AMPD3: variants seen among roughly 807,000 people sequenced by gnomAD.
The protein encoded by AMPD3 is adenosine monophosphate deaminase 3, also known as AMP deaminase 3.
AMPD3 carries 57 observed loss-of-function variants against 82.3 expected under a neutral mutation model. The observed-to-expected ratio is 0.69, with a 90% CI of 0.56 to 0.86. AMPD3 has a LOEUF of 0.86. Ranked by LOEUF, AMPD3 falls within the 40% of genes least tolerant of loss-of-function variation. The pLI is 0.00. For missense variants in AMPD3, 870 were observed against 1,003.8 expected (o/e 0.87, Z 1.80); for synonymous variants, 381 against 394.7 (o/e 0.97, Z 0.41).
intron 2 of AMPD3, among the ~76,000 whole-genome samples, chr11:10,469,617 T>C (rs1318745039): frequency 6.6e-6 from 1 of 151,826 alleles, no homozygotes; most frequent in African/African-American, 2.4e-5. Flanking sequence ...AACAATAGTT[T>C]GGAGCTGGTA....
At chr11:10,496,772 G>A (rs779751398) in intron 9 of AMPD3, 40 bp from the exon 10 acceptor site, 2 of 1,614,050 alleles carry the variant, frequency 1.2e-6, no homozygotes, top group South Asian at 1.1e-5. Flanking sequence ...GCAGCAGGCT[G>A]TTGGATCCAC....
In AMPD3 at chr11:10,506,157, A is replaced by G; in HGVS notation, c.*273A>G. 1 of 467,326 alleles carries G rather than the reference A, an allele frequency of 2.1e-6. No homozygotes were observed. Among genetic ancestry groups the G allele is most frequent in the Non-Finnish European group, 3.9e-6 (1 of 254,194 alleles). The allele number at this position is 467,326 out of a possible 1,614,324, so 28.9% of individuals were successfully genotyped here. On this transcript the variant is annotated 3_prime_UTR_variant, in exon 15 of 15. Coordinates refer to ENST00000396553, the MANE Select transcript of AMPD3 (RefSeq NM_001025389.2). This position sits in a 1 kb window ranked among gnomAD's most constrained non-coding sequence, Gnocchi z 4.1. Reference sequence around the variant, plus strand: ...CCTAATTTTCCAAGTATTTCTCTTGAAACTGCCAGTGCCTGAACTGTTGGG... The same window carrying G: ...CCTAATTTTCCAAGTATTTCTCTTGGAACTGCCAGTGCCTGAACTGTTGGG...
chr11:10,484,830 T>C lies in AMPD3; in HGVS notation c.600T>C (p.Pro200=). ...AATCCTGTTTTGCAGACTTCCACCC[T>C]CCTCCACTGCCCCAGGAAGACCCCT... ...PPEEGLPDFH[P]PPLPQEDPYC... Residue 200 remains proline, a synonymous_variant, in exon 5 of 15, where the codon CCT becomes CCC. Transcript: ENST00000396553. The C allele has an allele frequency of 6.2e-7, 1 of 1,613,938 alleles. No homozygotes were observed. Among genetic ancestry groups the C allele is most frequent in the Non-Finnish European group, 8.5e-7 (1 of 1,179,998 alleles).
chr11:10,453,340 A>G (rs1848007412), upstream of AMPD3, among the ~76,000 whole-genome samples: 1 of 152,224 alleles, frequency 6.6e-6, no homozygotes, highest in Non-Finnish European at 1.5e-5. Flanking sequence ...TCACTTGTTC[A>G]TTGTTTTATG....
chr11:10,488,200 G>A (rs1849135218), intron 6 of AMPD3: 1 of 985,358 alleles, frequency 1.0e-6, no homozygotes, highest in African/African-American at 1.7e-5. Context: ...TAGGAGCGAA[G>A]GTTAAATGAT....
chr11:10,487,098 A>C (rs1428604680), intron 5 of AMPD3, 137 bp from the exon 6 acceptor site: 1 of 1,563,530 alleles, frequency 6.4e-7, no homozygotes, highest in East Asian at 2.3e-5. Context: ...GGTCTGTAGA[A>C]AGCCAGAACC....
intron 6 of AMPD3, among the ~76,000 whole-genome samples, chr11:10,490,762 G>C (rs565903836): frequency 2.2e-4 from 34 of 152,308 alleles, no homozygotes; most frequent in African/African-American, 7.9e-4. Flanking sequence ...CCCAGAATCC[G>C]CTGAGTCATG....
intron 13 of AMPD3, among the ~76,000 whole-genome samples, chr11:10,503,594 G>A (rs942506599): frequency 4.6e-5 from 7 of 152,154 alleles, no homozygotes; most frequent in African/African-American, 1.7e-4. Flanking sequence ...TATTTACCAT[G>A]TTAGAAATGA....
chr11:10,464,052 C>T (rs1564839841), intron 2 of AMPD3, among the ~76,000 whole-genome samples: 1 of 152,176 alleles, frequency 6.6e-6, no homozygotes, highest in East Asian at 1.9e-4. Flanking sequence ...GCCTCAGCCT[C>T]GTCCTCATCT....
intron 3 of AMPD3, chr11:10,481,584 C>A: frequency 2.5e-6 from 2 of 790,256 alleles, no homozygotes; most frequent in Non-Finnish European, 3.1e-6. Context: ...CAGCATATAG[C>A]TGTACTTACA....
Position 10,485,003 on chromosome 11 carries a change from T to A in AMPD3, c.773T>A (p.Met258Lys), listed in dbSNP as rs1290853678. Residue 258 changes from methionine to lysine, a missense_variant, in exon 5 of 15, where the codon ATG (methionine) becomes AAG (lysine). Coordinates refer to ENST00000396553, the MANE Select transcript of AMPD3 (RefSeq NM_001025389.2). Reference sequence around the variant, plus strand: ...GACCTGGAGACCTACACGGTGGACATGAGCCACATCCTGGCTCTCATCACC... The same window carrying A: ...GACCTGGAGACCTACACGGTGGACAAGAGCCACATCCTGGCTCTCATCACC... ...YPDLETYTVD[M>K]SHILALITDG... The A allele has an allele frequency of 6.8e-6, 11 of 1,613,982 alleles. No individual in the cohort carries two copies. The highest frequency in any genetic ancestry group is 8.5e-6 in the Non-Finnish European group (10 of 1,179,990).
At chr11:10,450,447 ACCTGTGCGGGGCCGAGACC>A (rs1259648369), upstream of AMPD3, 2 of 985,610 alleles carry the variant, frequency 2.0e-6, no homozygotes, top group African/African-American at 3.5e-5. Context: ...GGAGCAAGTC[ACCTGTGCGGGGCCGAGACC>A]CCCAGAGTCT....
chr11:10,493,207 G>A (rs1454687487), intron 6 of AMPD3, 142 bp from the exon 7 acceptor site: 22 of 929,604 alleles, frequency 2.4e-5, no homozygotes, highest in Non-Finnish European at 3.7e-5. Flanking sequence ...GGAGAAATGG[G>A]GGGTGGGATC....
intron 12 of AMPD3, chr11:10,501,988 T>C (rs1471645096): frequency 1.6e-5 from 16 of 985,080 alleles, no homozygotes; most frequent in Non-Finnish European, 1.9e-5. Context: ...TCTATGCTCC[T>C]TTTTCCAAAG....
intron 9 of AMPD3, 168 bp from the exon 10 acceptor site, chr11:10,496,644 T>G (rs1029753143): frequency 1.4e-5 from 21 of 1,449,588 alleles, no homozygotes; most frequent in Non-Finnish European, 1.8e-5. Context: ...ATTGCAGACA[T>G]TGCTGGGAGA....
chr11:10,506,044 T>C lies in AMPD3; in HGVS notation c.*160T>C. On this transcript the variant is annotated 3_prime_UTR_variant, in exon 15 of 15. Transcript: ENST00000396553. The surrounding 1 kb of genome is among the most constrained non-coding windows in gnomAD (Gnocchi z 4.1). ...TGGTTGCACTGCTCACTTTAAGAGT[T>C]AACATGCTCACTTGTTAGTATTTCT... is the stretch of plus-strand genomic sequence containing the variant. 1 of 752,970 alleles carries C rather than the reference T, an allele frequency of 1.3e-6. No homozygotes were observed. The highest frequency in any genetic ancestry group is 2.1e-5 in the Admixed American group (1 of 48,420). 46.6% of individuals were successfully genotyped at this position (752,970 alleles called of 1,614,324 possible).
rs1033664969 is a variant in AMPD3, at chr11:10,500,352, G to A, written c.1721+103G>A. Reference sequence around the variant, plus strand: ...ATGCATGTGATCCTTGTGTCCGTGTGCACCTGAACCAACATGCATGTCCAT... The same window carrying A: ...ATGCATGTGATCCTTGTGTCCGTGTACACCTGAACCAACATGCATGTCCAT... On this transcript the variant is annotated intron_variant, in intron 11 of 14. Coordinates refer to ENST00000396553, the MANE Select transcript of AMPD3 (RefSeq NM_001025389.2). The A allele has an allele frequency of 5.6e-5, 82 of 1,459,166 alleles. No individual in the cohort carries two copies. The Admixed American group carries it at 1.4e-3, about 24-fold the overall frequency. 90.4% of individuals were successfully genotyped at this position (1,459,166 alleles called of 1,614,324 possible).
At chr11:10,474,696 C>T (rs1848688080) in intron 2 of AMPD3, among the ~76,000 whole-genome samples, 1 of 152,238 alleles carries the variant, frequency 6.6e-6, no homozygotes, top group Non-Finnish European at 1.5e-5. Flanking sequence ...AAATCTATTT[C>T]AGGGATGACA....
chr11:10,453,105 A>G (rs1179358762), upstream of AMPD3, among the ~76,000 whole-genome samples: 4 of 152,226 alleles, frequency 2.6e-5, no homozygotes, highest in Non-Finnish European at 5.9e-5. Context: ...GCCCGCTACC[A>G]TGCCAGGCTA....
Sources: allele counts gnomAD v4.1 joint callset (sites outside exome capture counted in the v4.1 genomes callset), GRCh38; gene constraint gnomAD v4.1.1; non-coding constraint Gnocchi (gnomAD v3.1); transcripts MANE v1.5; gene names NCBI Gene and HGNC (gene_info 2026-07-23, HGNC 2026-07-21).